Variants in ADAMTS16 observed in about 807,000 individuals in gnomAD.
ADAMTS16 encodes the protein A disintegrin and metalloproteinase with thrombospondin motifs 16.
In ADAMTS16, 94 loss-of-function variants were observed where a neutral mutation model predicts 145.8. That is an observed-to-expected ratio of 0.64 (90% CI 0.55 to 0.77). ADAMTS16 has a LOEUF of 0.77. Ranked by LOEUF, ADAMTS16 falls within the 30% of genes least tolerant of loss-of-function variation. The probability of loss-of-function intolerance (pLI) is 0.00; values close to 1 mark genes in which losing one functional copy is unlikely to be tolerated. For synonymous variants in ADAMTS16, 659 were observed against 604.3 expected (o/e 1.09, Z -1.33); for missense variants, 1,585 against 1,591.5 (o/e 1.00, Z 0.07).
At chr5:5,158,961 A>G (rs1258190742) in intron 3 of ADAMTS16, among the ~76,000 whole-genome samples, 1 of 152,216 alleles carries the variant, frequency 6.6e-6, no homozygotes, top group Non-Finnish European at 1.5e-5. Flanking sequence ...CCTCCACAAA[A>G]AGTGATACAG....
At chr5:5,315,246 C>T (rs749073594) in intron 21 of ADAMTS16, among the ~76,000 whole-genome samples, 1 of 152,084 alleles carries the variant, frequency 6.6e-6, no homozygotes, top group Non-Finnish European at 1.5e-5. Flanking sequence ...GGTAATTGCC[C>T]CCGTGATTCA....
intron 16 of ADAMTS16, among the ~76,000 whole-genome samples, chr5:5,240,681 C>A (rs555545484): frequency 6.6e-6 from 1 of 152,252 alleles, no homozygotes; most frequent in Admixed American, 6.5e-5. Context: ...CCGCCCTATC[C>A]CATCCTCTTG....
At chr5:5,300,856 G>A (rs1739738682) in intron 18 of ADAMTS16, among the ~76,000 whole-genome samples, 1 of 152,130 alleles carries the variant, frequency 6.6e-6, no homozygotes, top group Admixed American at 6.5e-5. Flanking sequence ...ATCACGTCCA[G>A]CCAGGCATGC....
chr5:5,211,759 T>G (rs1736275231), intron 10 of ADAMTS16, among the ~76,000 whole-genome samples: 1 of 152,156 alleles, frequency 6.6e-6, no homozygotes, highest in African/African-American at 2.4e-5. Context: ...TTTAATATTA[T>G]TAAGCAAAAA....
chr5:5,222,982 T>C, intron 11 of ADAMTS16, 98 bp downstream of exon 11: 1 of 1,038,364 alleles, frequency 9.6e-7, no homozygotes, highest in Non-Finnish European at 1.5e-6. Context: ...AAAACATGTA[T>C]TTCTCATATA....
At chr5:5,311,817 A>G (rs1006196908) in intron 21 of ADAMTS16, among the ~76,000 whole-genome samples, 1 of 151,632 alleles carries the variant, frequency 6.6e-6, no homozygotes, top group Non-Finnish European at 1.5e-5. Context: ...CCCGGGTTCA[A>G]GCCATTCTCC....
chr5:5,171,513 A>G (rs1030739020), intron 3 of ADAMTS16, among the ~76,000 whole-genome samples: 4 of 152,186 alleles, frequency 2.6e-5, no homozygotes, highest in African/African-American at 9.6e-5. Context: ...TGCTTTTTCA[A>G]CATCAGTTGA....
At chr5:5,314,762 G>C (rs1172988122) in intron 21 of ADAMTS16, among the ~76,000 whole-genome samples, 1 of 152,110 alleles carries the variant, frequency 6.6e-6, no homozygotes, top group Non-Finnish European at 1.5e-5. Context: ...GAATCATCTG[G>C]GAACGGCACC....
At chr5:5,140,566 C>T in intron 1 of ADAMTS16, 27 bp downstream of exon 1, 1 of 1,500,132 alleles carries the variant, frequency 6.7e-7, no homozygotes. Context: ...CCCACCAGCG[C>T]GGAAACCGCG....
chr5:5,231,993 T>A (rs1736939986), intron 11 of ADAMTS16, among the ~76,000 whole-genome samples: 1 of 152,080 alleles, frequency 6.6e-6, no homozygotes, highest in African/African-American at 2.4e-5. Flanking sequence ...GTTCTGAACA[T>A]GAGATGTGAA....
chr5:5,271,116 A>T (rs1579363173), intron 18 of ADAMTS16, among the ~76,000 whole-genome samples: 1 of 152,136 alleles, frequency 6.6e-6, no homozygotes, highest in African/African-American at 2.4e-5. Flanking sequence ...GAAAAAGGAA[A>T]CCTGCTGTGC....
intron 4 of ADAMTS16, among the ~76,000 whole-genome samples, chr5:5,184,429 C>T (rs1233968050): frequency 4.6e-5 from 7 of 152,112 alleles, no homozygotes; most frequent in Admixed American, 2.0e-4. Flanking sequence ...ATCGATATTT[C>T]CATGTTGTCC....
intron 21 of ADAMTS16, among the ~76,000 whole-genome samples, chr5:5,309,729 C>A (rs4702259): frequency 6.6e-6 from 1 of 151,380 alleles, no homozygotes; most frequent in Non-Finnish European, 1.5e-5. Context: ...GGCTGCTGAC[C>A]CATGATGCAA....
chr5:5,303,348 G>T lies in ADAMTS16; in HGVS notation c.2870G>T (p.Arg957Leu). 6.2e-7 allele frequency: 1 copy of T among 1,605,338 alleles called. No homozygotes were observed. The change falls in exon 19 of 23, where the codon CGG becomes CTG. Residue 957 changes from arginine to leucine, a missense_variant. Physicochemically the swap from Arg to Leu is moderately radical, Grantham distance 102. Coordinates refer to ENST00000274181, the MANE Select transcript of ADAMTS16 (RefSeq NM_139056.4). Reference protein sequence around the residue: ...AQSRPVQCTRRVHYDSEPVPA... With the variant: ...AQSRPVQCTRLVHYDSEPVPA... ...AGCCGCCCCGTGCAGTGCACACGGC[G>T]GGTGCACTATGACTCGGAGCCAGTC...
intron 3 of ADAMTS16, among the ~76,000 whole-genome samples, chr5:5,168,193 C>T (rs145617361): frequency 2.0e-5 from 3 of 152,106 alleles, no homozygotes; most frequent in African/African-American, 7.2e-5. Context: ...TATTTTAAAT[C>T]TCAGTCATAT....
At chr5:5,195,955 G>T (rs1200173036) in intron 8 of ADAMTS16, among the ~76,000 whole-genome samples, 1 of 152,088 alleles carries the variant, frequency 6.6e-6, no homozygotes, top group Non-Finnish European at 1.5e-5. Context: ...GGCCGTGTGT[G>T]GTGGCTCACT....
chr5:5,253,716 A>G (rs1321116628), intron 17 of ADAMTS16, among the ~76,000 whole-genome samples: 1 of 151,892 alleles, frequency 6.6e-6, no homozygotes, highest in Non-Finnish European at 1.5e-5. Flanking sequence ...ATCTTCGAAG[A>G]TTCTCCAATC....
intron 8 of ADAMTS16, among the ~76,000 whole-genome samples, chr5:5,192,798 A>G (rs1007382360): frequency 1.3e-5 from 2 of 152,184 alleles, no homozygotes; most frequent in Non-Finnish European, 2.9e-5. Flanking sequence ...TCTGAGGCCA[A>G]TAATTCTGTG....
At chr5:5,226,356 A>G (rs988010231) in intron 11 of ADAMTS16, among the ~76,000 whole-genome samples, 2 of 152,068 alleles carry the variant, frequency 1.3e-5, no homozygotes, top group African/African-American at 4.8e-5. Flanking sequence ...TGTGTAGGGG[A>G]ACTCTCATGT....
Sources: gnomAD v4.1 joint callset for allele counts (sites outside exome capture counted in the v4.1 genomes callset) on GRCh38, gnomAD v4.1.1 for gene constraint, MANE v1.5 for transcripts, NCBI Gene and HGNC (gene_info 2026-07-23, HGNC 2026-07-21) for gene names.